CACNB2: variants seen among roughly 807,000 people sequenced by gnomAD.
The protein encoded by CACNB2 is voltage-dependent L-type calcium channel subunit beta-2.
In CACNB2, 42 loss-of-function variants were observed where a neutral mutation model predicts 73.3. That is an observed-to-expected ratio of 0.57 (90% confidence interval 0.45 to 0.74). CACNB2 has a LOEUF of 0.74. Ranked by LOEUF, CACNB2 falls within the 30% of genes least tolerant of loss-of-function variation. The pLI, the probability that CACNB2 is intolerant of heterozygous loss-of-function variation, is 0.00. For synonymous variants in CACNB2, 348 were observed against 310.3 expected, an observed-to-expected ratio of 1.12 and a Z score of -1.28; for missense variants, 940 against 853.0, an observed-to-expected ratio of 1.10 and a Z score of -1.27.
chr10:18,451,741 C>T (rs1314468183), intron 3 of CACNB2, among the ~76,000 whole-genome samples: 1 of 152,158 alleles, frequency 6.6e-6, no homozygotes, highest in Non-Finnish European at 1.5e-5. Flanking sequence ...TTATGCTCAC[C>T]CATCACGTAG....
chr10:18,469,398 A>G (rs1302304277), intron 3 of CACNB2, among the ~76,000 whole-genome samples: 1 of 152,108 alleles, frequency 6.6e-6, no homozygotes, highest in Non-Finnish European at 1.5e-5. Context: ...TTTCGTTGCT[A>G]ATATTTATGC....
chr10:18,335,732 T>C (rs2040975935), intron 2 of CACNB2, among the ~76,000 whole-genome samples: 1 of 151,482 alleles, frequency 6.6e-6, no homozygotes, highest in African/African-American at 2.4e-5. Flanking sequence ...CTCTATATGT[T>C]CTTACCAAGG....
At chr10:18,163,245 T>G (rs961289065) in intron 2 of CACNB2, among the ~76,000 whole-genome samples, 1 of 152,232 alleles carries the variant, frequency 6.6e-6, no homozygotes, top group Non-Finnish European at 1.5e-5. Flanking sequence ...ATGATGTTAG[T>G]ATCCCCGTTT....
chr10:18,536,611 G>A (rs2133310026), intron 12 of CACNB2, among the ~76,000 whole-genome samples: 2 of 152,230 alleles, frequency 1.3e-5, no homozygotes, highest in Middle Eastern at 6.8e-3. Context: ...TGTCAGGGAA[G>A]AGAATCCTCA....
At chr10:18,175,277 T>C (rs927010436) in intron 2 of CACNB2, among the ~76,000 whole-genome samples, 3 of 152,218 alleles carry the variant, frequency 2.0e-5, no homozygotes, top group Non-Finnish European at 4.4e-5. Context: ...AGTTTGGTAC[T>C]GAGGCATCTG....
intron 2 of CACNB2, among the ~76,000 whole-genome samples, chr10:18,242,330 A>C (rs1450095140): frequency 1.3e-5 from 2 of 152,188 alleles, no homozygotes; most frequent in Non-Finnish European, 1.5e-5. Flanking sequence ...TGTCAAAACC[A>C]ATTAGAGAGT....
At chr10:18,147,378 A>G (rs11591227) in intron 1 of CACNB2, among the ~76,000 whole-genome samples, 11,077 of 152,200 alleles carry the variant, frequency 0.073, 523 homozygotes, top group South Asian at 0.12. Flanking sequence ...GAATATAAAT[A>G]TAAGAGTTTT....
chr10:18,515,078 C>T (rs750088047), intron 7 of CACNB2: 5 of 1,509,310 alleles, frequency 3.3e-6, no homozygotes, highest in Middle Eastern at 1.7e-4. Context: ...AATATTCTCC[C>T]GATGTTCTTG....
chr10:18,233,233 C>T (rs1043664191), intron 2 of CACNB2, among the ~76,000 whole-genome samples: 1 of 152,202 alleles, frequency 6.6e-6, no homozygotes, highest in African/African-American at 2.4e-5. Flanking sequence ...TCAAGATTTA[C>T]TGTCATCCCA....
At chr10:18,197,736 A>G (rs1202922374) in intron 2 of CACNB2, among the ~76,000 whole-genome samples, 1 of 152,128 alleles carries the variant, frequency 6.6e-6, no homozygotes, top group Admixed American at 6.6e-5. Flanking sequence ...GGACCAGACA[A>G]GTGACAGGGA....
At chr10:18,380,617 G>A (rs2042977632) in intron 2 of CACNB2, among the ~76,000 whole-genome samples, 1 of 151,646 alleles carries the variant, frequency 6.6e-6, no homozygotes, top group African/African-American at 2.4e-5. Flanking sequence ...ACCACGCCCA[G>A]CTAATATTTT....
At chr10:18,150,441 A>T (rs1588550673) in intron 1 of CACNB2, among the ~76,000 whole-genome samples, 1 of 152,210 alleles carries the variant, frequency 6.6e-6, no homozygotes, top group Non-Finnish European at 1.5e-5. Flanking sequence ...AGGCGGGCGG[A>T]TCACCTGAGG....
Position 18,315,549 on chromosome 10 carries a change from C to T in CACNB2, c.214-86375C>T, listed in dbSNP as rs2040150103. On this transcript the variant is annotated intron_variant, in intron 2 of 13. Transcript: ENST00000324631. ...AAAAACTTTTTTTTTTTTTAATTAG[C>T]CAGATGCAGTGGTGCCTGCCTGTGG... 2.4e-5 allele frequency among the ~76,000 whole-genome samples: 3 copies of T among 127,148 alleles called. No homozygotes were observed. In the South Asian group the frequency reaches 8.1e-4, roughly 34 times the overall value. 83.4% of individuals were successfully genotyped at this position (127,148 alleles called of 152,430 possible). A position where few individuals can be genotyped will look rare whatever the true frequency, so the allele number is the denominator to read the frequency against.
chr10:18,174,228 T>TTCCCCTTCCTTCTCCCC (rs1380351948), intron 2 of CACNB2, among the ~76,000 whole-genome samples: 2 of 131,928 alleles, frequency 1.5e-5, no homozygotes, highest in Admixed American at 7.7e-5. Context: ...CTCCTTCCCC[T>TTCCCCTTCCTTCTCCCC]TCCCCTTCCT....
chr10:18,430,635 ATCAG>A (rs2045845127), intron 3 of CACNB2, among the ~76,000 whole-genome samples: 1 of 152,176 alleles, frequency 6.6e-6, no homozygotes. Context: ...GTCTCAATCG[ATCAG>A]TCAATCAGTA....
chr10:18,167,216 G>A (rs1173227347), intron 2 of CACNB2, among the ~76,000 whole-genome samples: 1 of 152,154 alleles, frequency 6.6e-6, no homozygotes, highest in African/African-American at 2.4e-5. Context: ...AACACTGCAT[G>A]TTCTCACTTA....
chr10:18,227,522 A>G (rs977684295), intron 2 of CACNB2, among the ~76,000 whole-genome samples: 1 of 152,244 alleles, frequency 6.6e-6, no homozygotes. Flanking sequence ...AGGCACATAA[A>G]GGCAAAGCAA....
chr10:18,141,312 T>C, intron 1 of CACNB2: 1 of 1,076,388 alleles, frequency 9.3e-7, no homozygotes, highest in Non-Finnish European at 1.4e-6. Context: ...GGCGTGGGTG[T>C]GAGGATGATG....
At chr10:18,503,923 C>T (rs1202354994) in intron 5 of CACNB2, among the ~76,000 whole-genome samples, 5 of 152,052 alleles carry the variant, frequency 3.3e-5, no homozygotes. Context: ...ACTAAAATTG[C>T]TTTCTCATAA....
Sources: allele counts gnomAD v4.1 joint callset (sites outside exome capture counted in the v4.1 genomes callset), GRCh38; gene constraint gnomAD v4.1.1; transcripts MANE v1.5; gene names NCBI Gene and HGNC (gene_info 2026-07-23, HGNC 2026-07-21).